CACNA2D1: variants seen among roughly 807,000 people sequenced by gnomAD.
The protein encoded by CACNA2D1 is calcium voltage-gated channel auxiliary subunit alpha2delta 1.
Under a neutral mutation model 171.5 loss-of-function variants are expected in CACNA2D1, and 53 were observed. The observed-to-expected ratio is 0.31, with a 90% CI of 0.25 to 0.39. CACNA2D1 has a LOEUF of 0.39. Ranked by LOEUF, CACNA2D1 falls within the 10% of genes least tolerant of loss-of-function variation. The pLI is 1.00. For synonymous variants in CACNA2D1, 442 were observed against 443.1 expected, an observed-to-expected ratio of 1.00 and a Z score of 0.03; for missense variants, 903 against 1,299.8, an observed-to-expected ratio of 0.69 and a Z score of 4.69.
Position 82,121,975 on chromosome 7 carries a change from A to G in CACNA2D1, c.397-4802T>C, listed in dbSNP as rs3801751. On this transcript the variant is annotated intron_variant, in intron 5 of 38. Coordinates refer to ENST00000356860, the MANE Select transcript of CACNA2D1 (RefSeq NM_000722.4). Reference sequence around the variant, plus strand: ...TTAACATGAAAAGTAAATTTATAACATCAGTGGCGAAAGAAAGGTGAAGAA... The same window carrying G: ...TTAACATGAAAAGTAAATTTATAACGTCAGTGGCGAAAGAAAGGTGAAGAA... Among the ~76,000 whole-genome samples the G allele has an allele frequency of 0.013, 1,985 of 152,244 alleles. 103 individuals carry two copies. The East Asian group carries it at 0.14, about 11-fold the overall frequency.
At chr7:82,265,087 T>G (rs774757121) in intron 3 of CACNA2D1, among the ~76,000 whole-genome samples, 2 of 152,174 alleles carry the variant, frequency 1.3e-5, no homozygotes, top group Non-Finnish European at 2.9e-5. Context: ...TGCTGCCAAA[T>G]GAATGGCTGG....
chr7:82,196,088 T>C (rs927892744), intron 3 of CACNA2D1, among the ~76,000 whole-genome samples: 3 of 152,018 alleles, frequency 2.0e-5, no homozygotes, highest in African/African-American at 7.2e-5. Flanking sequence ...GTTGGAGACA[T>C]CTTGATCCCC....
intron 4 of CACNA2D1, among the ~76,000 whole-genome samples, chr7:82,150,727 A>G (rs1269817921): frequency 3.3e-5 from 5 of 152,292 alleles, no homozygotes; most frequent in Admixed American, 2.0e-4. Context: ...TAATTAAATG[A>G]CATTCATTTG....
chr7:81,974,739 G>A (rs1795652490), intron 24 of CACNA2D1, among the ~76,000 whole-genome samples, 187 bp from the exon 25 acceptor site: 1 of 150,934 alleles, frequency 6.6e-6, no homozygotes, highest in Admixed American at 6.6e-5. Flanking sequence ...GGTGATTATA[G>A]GCAATATGAA....
intron 7 of CACNA2D1, among the ~76,000 whole-genome samples, chr7:82,071,774 C>T (rs1808343198): frequency 6.6e-6 from 1 of 152,124 alleles, no homozygotes; most frequent in South Asian, 2.1e-4. Context: ...TTCAGTTTCT[C>T]CTGTCATGAT....
chr7:82,362,270 C>T (rs1821156765), intron 1 of CACNA2D1, among the ~76,000 whole-genome samples: 1 of 152,152 alleles, frequency 6.6e-6, no homozygotes, highest in African/African-American at 2.4e-5. Flanking sequence ...GTTCCTAGTG[C>T]TCCATTTAGA....
intron 3 of CACNA2D1, among the ~76,000 whole-genome samples, chr7:82,209,162 G>A (rs1420283419): frequency 6.6e-6 from 1 of 152,106 alleles, no homozygotes; most frequent in East Asian, 1.9e-4. Context: ...AATAAAACCT[G>A]CAGAGTACAT....
chr7:82,443,235 A>T (rs1283789492), intron 1 of CACNA2D1, 130 bp downstream of exon 1: 3 of 848,250 alleles, frequency 3.5e-6, no homozygotes, highest in South Asian at 1.9e-5. Context: ...TCCGCATCCG[A>T]GCCTGGCTCC....
chr7:81,980,172 CAA>C (rs35616922), intron 24 of CACNA2D1, among the ~76,000 whole-genome samples: 106 of 25,230 alleles, frequency 4.2e-3, no homozygotes, highest in African/African-American at 0.015. Flanking sequence ...TAAAACCAAG[CAA>C]AAAAAAAAAA....
chr7:82,370,552 T>TGGAC (rs1822279914), intron 1 of CACNA2D1, among the ~76,000 whole-genome samples: 1 of 120,568 alleles, frequency 8.3e-6, no homozygotes, highest in Admixed American at 9.0e-5. Context: ...AATGGAGGGA[T>TGGAC]GGATGGATGG....
At chr7:82,440,210 AGACT>A (rs1211880869) in intron 1 of CACNA2D1, among the ~76,000 whole-genome samples, 6 of 151,964 alleles carry the variant, frequency 3.9e-5, no homozygotes, top group African/African-American at 9.6e-5. Flanking sequence ...CAATTATTGT[AGACT>A]GACTGGCATT....
At chr7:82,035,211 T>A (rs1008502366) in intron 11 of CACNA2D1, among the ~76,000 whole-genome samples, 2 of 152,118 alleles carry the variant, frequency 1.3e-5, no homozygotes, top group East Asian at 3.8e-4. Flanking sequence ...GAAAAATGCA[T>A]ATATATGGTA....
intron 38 of CACNA2D1, among the ~76,000 whole-genome samples, chr7:81,958,743 G>C (rs1467089928): frequency 1.3e-5 from 2 of 151,774 alleles, no homozygotes; most frequent in African/African-American, 2.4e-5. Flanking sequence ...AAAGAAATTA[G>C]TACAATTAAA....
chr7:82,010,583 T>C (rs1799668275), intron 15 of CACNA2D1, among the ~76,000 whole-genome samples: 1 of 152,112 alleles, frequency 6.6e-6, no homozygotes, highest in Admixed American at 6.6e-5. Context: ...ATTTGAAAAG[T>C]GCAACATTTT....
In CACNA2D1 at chr7:82,257,872, G is replaced by A. The variant is rs543261314; in HGVS notation, c.294+77263C>T. ...GGTTTTAATCATATTTATTTTGTTTGTAGATTTATCTTATAAAGATGGAGG... is the reference window on the plus strand; with the variant it reads ...GGTTTTAATCATATTTATTTTGTTTATAGATTTATCTTATAAAGATGGAGG... On this transcript the variant is annotated intron_variant, in intron 3 of 38. Coordinates refer to ENST00000356860, the MANE Select transcript of CACNA2D1 (RefSeq NM_000722.4). Among the ~76,000 whole-genome samples the A allele has an allele frequency of 6.8e-4, 103 of 152,174 alleles. 2 individuals are homozygous for A. Among genetic ancestry groups the A allele is most frequent in the Non-Finnish European group, 1.3e-3 (89 of 68,026 alleles).
chr7:82,439,516 C>A (rs144274635), intron 1 of CACNA2D1, among the ~76,000 whole-genome samples: 1,706 of 151,572 alleles, frequency 0.011, 21 homozygotes, highest in Non-Finnish European at 0.02. Context: ...TAATGAAAGC[C>A]ATGGGAGGGG....
At chr7:82,399,067 T>C (rs922779452) in intron 1 of CACNA2D1, among the ~76,000 whole-genome samples, 3 of 152,280 alleles carry the variant, frequency 2.0e-5, no homozygotes, top group African/African-American at 7.2e-5. Flanking sequence ...CTCACCAAAA[T>C]CTGGCTGGTT....
At chr7:82,090,096 T>A (rs985540555) in intron 6 of CACNA2D1, among the ~76,000 whole-genome samples, 3 of 152,168 alleles carry the variant, frequency 2.0e-5, no homozygotes, top group African/African-American at 7.2e-5. Flanking sequence ...AACTTATCCA[T>A]CACCTTTACA....
chr7:82,319,972 C>T (rs1220979085), intron 3 of CACNA2D1, among the ~76,000 whole-genome samples: 1 of 152,182 alleles, frequency 6.6e-6, no homozygotes, highest in Admixed American at 6.5e-5. Flanking sequence ...CTCATCCACA[C>T]TGCGGCCTGT....
Sources: allele counts gnomAD v4.1 joint callset (sites outside exome capture counted in the v4.1 genomes callset), GRCh38; gene constraint gnomAD v4.1.1; transcripts MANE v1.5; gene names NCBI Gene and HGNC (gene_info 2026-07-23, HGNC 2026-07-21).